RPE: variants seen among roughly 807,000 people sequenced by gnomAD.
RPE encodes ribulose-5-phosphate-3-epimerase.
In RPE, 16 loss-of-function variants were observed where a neutral mutation model predicts 24.6. That is an observed-to-expected ratio of 0.65 (90% CI 0.44 to 0.99). RPE has a LOEUF of 0.99. RPE is among the 50% of genes least tolerant of loss of function. RPE has a pLI of 0.00. For synonymous variants in RPE, 93 were observed against 98.4 expected (o/e 0.94, Z 0.33); for missense variants, 240 against 294.5 (o/e 0.81, Z 1.35).
At chr2:210,012,697 T>C (rs1003954513) in intron 2 of RPE, among the ~76,000 whole-genome samples, 1 of 152,244 alleles carries the variant, frequency 6.6e-6, no homozygotes, top group African/African-American at 2.4e-5. Context: ...TTAAAAAATA[T>C]TAACTAAATG....
Position 210,021,134 on chromosome 2 carries a change from C to CAG in RPE, c.*1346_*1347dup, listed in dbSNP as rs1180413812. On this transcript the variant is annotated 3_prime_UTR_variant, in exon 6 of 6. Coordinates refer to ENST00000359429, the MANE Select transcript of RPE (RefSeq NM_199229.3). ...ATATTTATAACTGTTCTGAATTATA[C>CAG]AGAGTCTAAAAATATGTGTCAGCTA... 1 of 152,050 alleles carries CAG rather than the reference C, an allele frequency of 6.6e-6. No individual in the cohort carries two copies. Among genetic ancestry groups the CAG allele is most frequent in the East Asian group, 1.9e-4 (1 of 5,196 alleles). The allele number at this position is 152,050 out of a possible 1,614,324, so 9.4% of individuals were successfully genotyped here.
At chr2:210,018,018 T>C (rs1019971011) in intron 5 of RPE, 2 of 918,508 alleles carry the variant, frequency 2.2e-6, no homozygotes, top group Non-Finnish European at 3.2e-6. Context: ...GTGTTGGGAT[T>C]ACAGATGTGA....
chr2:210,013,163 A>G (rs2093723224), intron 2 of RPE, among the ~76,000 whole-genome samples: 1 of 152,240 alleles, frequency 6.6e-6, no homozygotes, highest in Non-Finnish European at 1.5e-5. Flanking sequence ...ATGTAACCCC[A>G]TTGTAAGTTA....
chr2:210,010,285 A>G (rs1275893972), intron 2 of RPE, among the ~76,000 whole-genome samples: 1 of 149,404 alleles, frequency 6.7e-6, no homozygotes, highest in Non-Finnish European at 1.5e-5. Flanking sequence ...TATTCACTCC[A>G]ATGTCCTAGT....
chr2:210,014,131 G>A (rs1418859187), intron 2 of RPE, among the ~76,000 whole-genome samples: 3 of 151,494 alleles, frequency 2.0e-5, no homozygotes, highest in Admixed American at 6.6e-5. Context: ...TCGCTCTGTC[G>A]CCCAGGCTGG....
chr2:210,010,864 G>A (rs536916127), intron 2 of RPE, among the ~76,000 whole-genome samples: 7 of 152,160 alleles, frequency 4.6e-5, no homozygotes, highest in Non-Finnish European at 8.8e-5. Context: ...ATTGTAGTGA[G>A]CTGAGGTCAT....
At chr2:210,006,298 A>G (rs2093630041) in intron 1 of RPE, among the ~76,000 whole-genome samples, 1 of 152,172 alleles carries the variant, frequency 6.6e-6, no homozygotes. Context: ...GAGACTGTAA[A>G]TACATTAGAA....
At chr2:210,006,426 G>T (rs570988668) in intron 1 of RPE, among the ~76,000 whole-genome samples, 8 of 152,150 alleles carry the variant, frequency 5.3e-5, no homozygotes, top group African/African-American at 1.7e-4. Flanking sequence ...GACTACTGAT[G>T]CATTCTTGTT....
At position 210,021,134 on chromosome 2, in the gene RPE, CAG is replaced by C. The variant is rs1180413812; in HGVS notation, c.*1346_*1347del. On this transcript the variant is annotated 3_prime_UTR_variant, in exon 6 of 6. Transcript: ENST00000359429. ...ATATTTATAACTGTTCTGAATTATACAGAGTCTAAAAATATGTGTCAGCTACT... is the reference window on the plus strand; with the variant it reads ...ATATTTATAACTGTTCTGAATTATACAGTCTAAAAATATGTGTCAGCTACT... 4 of 152,050 alleles carry C rather than the reference CAG, an allele frequency of 2.6e-5. No homozygotes were observed. Among genetic ancestry groups the C allele is most frequent in the Non-Finnish European group, 5.9e-5 (4 of 67,966 alleles). 9.4% of individuals were successfully genotyped at this position (152,050 alleles called of 1,614,324 possible).
In RPE at chr2:210,015,960, C is replaced by A. The variant is rs1244717345; in HGVS notation, c.203-13C>A. The A allele has an allele frequency of 6.2e-7, 1 of 1,611,720 alleles. No individual in the cohort carries two copies. Among genetic ancestry groups the A allele is most frequent in the South Asian group, 1.1e-5 (1 of 90,310 alleles). On this transcript the variant is annotated splice_polypyrimidine_tract_variant and intron_variant, in intron 2 of 5. Coordinates refer to ENST00000359429, the MANE Select transcript of RPE (RefSeq NM_199229.3). ...ATTTTTCAGTAATATTTTGAAGTGT[C>A]TTTTCTTTCTAGACATGCACATGAT... is the stretch of plus-strand genomic sequence containing the variant.
At chr2:210,015,246 C>T (rs190715790) in intron 2 of RPE, among the ~76,000 whole-genome samples, 176 of 152,298 alleles carry the variant, frequency 1.2e-3, no homozygotes, top group Non-Finnish European at 2.1e-3. Flanking sequence ...AAGAACATAT[C>T]CATCCCGAAT....
Position 210,016,284 on chromosome 2 carries a change from G to C in RPE, c.342+172G>C, listed in dbSNP as rs1403560731. ...TAAAGAATACCTTACTTAAGCAGCT[G>C]TTCTTCAGCTATGATGCCAGGATTT... On this transcript the variant is annotated intron_variant, in intron 3 of 5. Coordinates refer to ENST00000359429, the MANE Select transcript of RPE (RefSeq NM_199229.3). The C allele has an allele frequency of 5.6e-6, 9 of 1,611,614 alleles. No homozygotes were observed. In the Admixed American group the frequency reaches 8.4e-5, roughly 15 times the overall value.
intron 1 of RPE, chr2:210,003,334 C>A: frequency 4.0e-6 from 2 of 504,284 alleles, no homozygotes; most frequent in African/African-American, 2.0e-5. Context: ...ATGAAATGAG[C>A]GAGTACATGA....
Position 210,019,864 on chromosome 2 carries a change from A to G in RPE, c.*73A>G. 1 of 1,525,206 alleles carries G rather than the reference A, an allele frequency of 6.6e-7. No homozygotes were observed. The highest frequency in any genetic ancestry group is 8.8e-7 in the Non-Finnish European group (1 of 1,130,300). The allele number at this position is 1,525,206 out of a possible 1,614,324, so 94.5% of individuals were successfully genotyped here. A position where few individuals can be genotyped will look rare whatever the true frequency, so the allele number is the denominator to read the frequency against. ...GGAAAACAGGAATATTGACTACCAA[A>G]TCACAATGCAATTGAAGCCGTACTG... is the stretch of plus-strand genomic sequence containing the variant. On this transcript the variant is annotated 3_prime_UTR_variant, in exon 6 of 6. Coordinates refer to ENST00000359429, the MANE Select transcript of RPE (RefSeq NM_199229.3).
chr2:210,019,522 A>G, intron 5 of RPE, 147 bp from the exon 6 acceptor site: 1 of 854,378 alleles, frequency 1.2e-6, no homozygotes, highest in Non-Finnish European at 1.7e-6. Flanking sequence ...ATTGAACTAG[A>G]TTGCTTAAGT....
intron 2 of RPE, among the ~76,000 whole-genome samples, chr2:210,015,769 T>C (rs1028766121): frequency 1.3e-5 from 2 of 152,182 alleles, no homozygotes; most frequent in African/African-American, 4.8e-5. Context: ...GGGAAAATAG[T>C]GTTTTTTGTA....
intron 5 of RPE, 38 bp from the exon 6 acceptor site, chr2:210,019,631 T>C: frequency 6.3e-7 from 1 of 1,598,054 alleles, no homozygotes; most frequent in Admixed American, 1.7e-5. Flanking sequence ...TTTCTACATT[T>C]TCCTTTGAGG....
chr2:210,013,620 A>G (rs1434574077), intron 2 of RPE, among the ~76,000 whole-genome samples: 2 of 152,160 alleles, frequency 1.3e-5, no homozygotes, highest in Non-Finnish European at 2.9e-5. Flanking sequence ...ACATGCTTTA[A>G]AATGTCTTAG....
At chr2:210,018,118 A>G in intron 5 of RPE, 1 of 1,507,176 alleles carries the variant, frequency 6.6e-7, no homozygotes, top group Non-Finnish European at 8.8e-7. Context: ...GGCTGAAGAA[A>G]GTTCTTTTTT....
Sources: gnomAD v4.1 joint callset for allele counts (sites outside exome capture counted in the v4.1 genomes callset) on GRCh38, gnomAD v4.1.1 for gene constraint, MANE v1.5 for transcripts, NCBI Gene and HGNC (gene_info 2026-07-23, HGNC 2026-07-21) for gene names.